Variants in ROR1 observed in about 807,000 individuals in gnomAD.
ROR1 encodes ROR family WNT receptor 1.
ROR1 carries 19 observed loss-of-function variants against 78.8 expected under a neutral mutation model. That is an observed-to-expected ratio of 0.24 (90% confidence interval 0.17 to 0.35). The LOEUF (loss-of-function observed/expected upper bound fraction) is 0.35, where lower values mean the gene tolerates loss of function less well. Ranked by LOEUF, ROR1 falls within the 10% of genes least tolerant of loss-of-function variation. The probability of loss-of-function intolerance (pLI) is 1.00; values close to 1 mark genes in which losing one functional copy is unlikely to be tolerated. For synonymous variants in ROR1, 386 were observed against 433.6 expected (o/e 0.89, Z 1.36); for missense variants, 917 against 1,177.8 (o/e 0.78, Z 3.24).
chr1:63,938,566 G>GA (rs1645811404), intron 1 of ROR1, among the ~76,000 whole-genome samples: 1 of 152,142 alleles, frequency 6.6e-6, no homozygotes, highest in African/African-American at 2.4e-5. Context: ...CTTGCAGGGG[G>GA]AGTTGCTTCA....
chr1:64,114,424 C>T (rs1249926858), intron 4 of ROR1, among the ~76,000 whole-genome samples: 1 of 152,158 alleles, frequency 6.6e-6, no homozygotes, highest in Non-Finnish European at 1.5e-5. Context: ...GGGAGAGAGA[C>T]TCAGTAGTTG....
At chr1:63,848,764 ATAT>A (rs1304966890) in intron 1 of ROR1, among the ~76,000 whole-genome samples, 1 of 152,172 alleles carries the variant, frequency 6.6e-6, no homozygotes, top group Non-Finnish European at 1.5e-5. Context: ...TCAAGCCTGT[ATAT>A]TCCCCTATAA....
At chr1:63,921,526 T>TCA (rs1645654262) in intron 1 of ROR1, among the ~76,000 whole-genome samples, 4 of 152,104 alleles carry the variant, frequency 2.6e-5, no homozygotes, top group African/African-American at 9.7e-5. Flanking sequence ...ATTATGGTTG[T>TCA]TGTCGCTACC....
chr1:64,158,005 A>T (rs1649822631), intron 7 of ROR1, among the ~76,000 whole-genome samples: 1 of 152,236 alleles, frequency 6.6e-6, no homozygotes, highest in Non-Finnish European at 1.5e-5. Context: ...AGGGCATGTC[A>T]TTATGTAACC....
chr1:63,981,626 A>T (rs1646210906), intron 1 of ROR1, among the ~76,000 whole-genome samples: 1 of 152,090 alleles, frequency 6.6e-6, no homozygotes, highest in Non-Finnish European at 1.5e-5. Context: ...ATGTCTTGAG[A>T]GCTGGTGTCC....
At chr1:63,864,214 T>G (rs1431447851) in intron 1 of ROR1, among the ~76,000 whole-genome samples, 1 of 152,184 alleles carries the variant, frequency 6.6e-6, no homozygotes, top group Non-Finnish European at 1.5e-5. Flanking sequence ...GAGGCAGGAT[T>G]CAAACTCAGG....
chr1:64,150,025 C>T (rs1231047471), intron 7 of ROR1, among the ~76,000 whole-genome samples: 1 of 152,094 alleles, frequency 6.6e-6, no homozygotes, highest in African/African-American at 2.4e-5. Flanking sequence ...TTGTTTCTTT[C>T]TTGATTTGTA....
At chr1:63,829,801 A>G (rs1644975446) in intron 1 of ROR1, among the ~76,000 whole-genome samples, 1 of 152,164 alleles carries the variant, frequency 6.6e-6, no homozygotes, top group Non-Finnish European at 1.5e-5. Flanking sequence ...GAAGTCTTCC[A>G]AGAAAGGAGT....
chr1:63,912,297 C>CA lies in ROR1; in HGVS notation c.92-96993dup, dbSNP rs67307299. 9.7e-3 allele frequency among the ~76,000 whole-genome samples: 1,272 copies of CA among 130,796 alleles called. 14 individuals carry two copies. Among genetic ancestry groups the CA allele is most frequent in the African/African-American group, 0.032 (1,065 of 32,972 alleles). The allele number at this position is 130,796 out of a possible 152,430, so 85.8% of individuals were successfully genotyped here. Reference sequence around the variant, plus strand: ...TGTTCAACAGAGTGAGACCCTATCTCAAAAAAAAAAAAAAACAAAAAACAG... The same window carrying CA: ...TGTTCAACAGAGTGAGACCCTATCTCAAAAAAAAAAAAAAAACAAAAAACAG... On this transcript the variant is annotated intron_variant, in intron 1 of 8. Coordinates refer to ENST00000371079, the MANE Select transcript of ROR1 (RefSeq NM_005012.4).
intron 4 of ROR1, among the ~76,000 whole-genome samples, chr1:64,081,575 G>A (rs1190858124): frequency 1.3e-5 from 2 of 151,900 alleles, no homozygotes; most frequent in East Asian, 1.9e-4. Flanking sequence ...TCAGGAGTTC[G>A]AGACCAGCCT....
chr1:64,170,117 A>C (rs560341470), intron 8 of ROR1, among the ~76,000 whole-genome samples: 14 of 152,182 alleles, frequency 9.2e-5, no homozygotes, highest in Non-Finnish European at 1.8e-4. Context: ...CAGGTCCACT[A>C]GGCAGTGCCC....
At chr1:64,145,610 C>G (rs1489937624) in intron 7 of ROR1, among the ~76,000 whole-genome samples, 1 of 152,124 alleles carries the variant, frequency 6.6e-6, no homozygotes, top group Non-Finnish European at 1.5e-5. Context: ...GAAAATTATT[C>G]TGTATTTTGT....
intron 1 of ROR1, among the ~76,000 whole-genome samples, chr1:63,856,397 A>C (rs1304485208): frequency 6.6e-6 from 1 of 152,144 alleles, no homozygotes; most frequent in Non-Finnish European, 1.5e-5. Context: ...GAGGTTTTCC[A>C]ATCTGGAAAT....
intron 1 of ROR1, among the ~76,000 whole-genome samples, chr1:63,779,522 G>C (rs1023383695): frequency 2.0e-5 from 3 of 152,130 alleles, no homozygotes; most frequent in Non-Finnish European, 2.9e-5. Flanking sequence ...TGGAGTTGAA[G>C]GGGGAGGGGA....
intron 4 of ROR1, 94 bp downstream of exon 4, chr1:64,050,810 A>T: frequency 8.3e-7 from 1 of 1,209,420 alleles, no homozygotes; most frequent in Non-Finnish European, 1.2e-6. Flanking sequence ...AAGCCAAAAT[A>T]CTGGCTTCCA....
intron 8 of ROR1, among the ~76,000 whole-genome samples, chr1:64,165,195 A>G (rs1351397642): frequency 6.6e-6 from 1 of 152,252 alleles, no homozygotes; most frequent in African/African-American, 2.4e-5. Context: ...GAACTAATTT[A>G]CACTCCCATC....
intron 1 of ROR1, among the ~76,000 whole-genome samples, chr1:64,004,444 T>A (rs1570044761): frequency 3.3e-5 from 5 of 152,216 alleles, no homozygotes; most frequent in African/African-American, 1.2e-4. Context: ...GATAAATATG[T>A]CTTGGGCCTT....
At chr1:63,886,954 A>G (rs1020390296) in intron 1 of ROR1, among the ~76,000 whole-genome samples, 4 of 152,150 alleles carry the variant, frequency 2.6e-5, no homozygotes, top group African/African-American at 9.7e-5. Context: ...GCTGTGTATA[A>G]AGTGGGCTAG....
intron 2 of ROR1, among the ~76,000 whole-genome samples, chr1:64,034,745 T>C (rs539137384): frequency 6.6e-6 from 1 of 152,324 alleles, no homozygotes. Context: ...AGGGGATGTG[T>C]TTTATTGTAA....
Sources: allele counts gnomAD v4.1 joint callset (sites outside exome capture counted in the v4.1 genomes callset), GRCh38; gene constraint gnomAD v4.1.1; transcripts MANE v1.5; gene names NCBI Gene and HGNC (gene_info 2026-07-23, HGNC 2026-07-21).